MAPK10: variants seen among roughly 807,000 people sequenced by gnomAD.
MAPK10 encodes mitogen-activated protein kinase 10.
In MAPK10, 25 loss-of-function variants were observed where a neutral mutation model predicts 59.3. The observed-to-expected ratio is 0.42, with a 90% CI of 0.31 to 0.59. The LOEUF (loss-of-function observed/expected upper bound fraction) is 0.59. Ranked by LOEUF, MAPK10 falls within the 20% of genes least tolerant of loss-of-function variation. The pLI is 0.15. For missense variants in MAPK10, 351 were observed against 568.9 expected (o/e 0.62, Z 3.90); for synonymous variants, 190 against 200.5 (o/e 0.95, Z 0.44).
At chr4:86,378,745 A>T (rs1329960433) in intron 1 of MAPK10, among the ~76,000 whole-genome samples, 4 of 152,202 alleles carry the variant, frequency 2.6e-5, no homozygotes, top group African/African-American at 9.6e-5. Context: ...CTGCTTTTGT[A>T]CCTGGCACTG....
chr4:86,237,093 TGGTTTTCTGTTCCTGTGTCA>T (rs1423361732), intron 2 of MAPK10, among the ~76,000 whole-genome samples: 12 of 152,108 alleles, frequency 7.9e-5, no homozygotes, highest in Non-Finnish European at 2.9e-5. Flanking sequence ...ACGTGGTGTT[TGGTTTTCTGTTCCTGTGTCA>T]GGTTTTCTGT....
intron 2 of MAPK10, among the ~76,000 whole-genome samples, chr4:86,262,878 C>G (rs1224525787): frequency 2.0e-5 from 3 of 152,164 alleles, no homozygotes; most frequent in Non-Finnish European, 4.4e-5. Flanking sequence ...CTCCAGTCTA[C>G]TCTGTGTCCA....
intron 11 of MAPK10, among the ~76,000 whole-genome samples, chr4:86,048,688 C>T (rs1455711900): frequency 6.6e-6 from 1 of 152,014 alleles, no homozygotes; most frequent in African/African-American, 2.4e-5. Context: ...TGAATAGCCC[C>T]AGGATACAAA....
At chr4:86,439,964 A>G (rs1333884865) in intron 1 of MAPK10, among the ~76,000 whole-genome samples, 2 of 152,194 alleles carry the variant, frequency 1.3e-5, no homozygotes, top group Non-Finnish European at 2.9e-5. Flanking sequence ...ATATGAGAAG[A>G]AATATAAAAA....
chr4:86,011,585 G>A lies in MAPK10; in HGVS notation c.*5643C>T, dbSNP rs1741435369. The stretch of plus-strand genomic sequence containing the variant: ...CAGGAATGCACCAATAACTCCTTCT[G>A]ACTCTTTAAGAGCAATCATCTTGTG... On this transcript the variant is annotated 3_prime_UTR_variant, in exon 14 of 14. Transcript: ENST00000641462. 6.6e-6 allele frequency: 1 copy of A among 152,130 alleles called. No homozygotes were observed. The highest frequency in any genetic ancestry group is 1.5e-5 in the Non-Finnish European group (1 of 68,026). The allele number at this position is 152,130 out of a possible 1,614,324, so 9.4% of individuals were successfully genotyped here. A position where few individuals can be genotyped will look rare whatever the true frequency, so the allele number is the denominator to read the frequency against.
chr4:86,355,975 T>G (rs1734256476), intron 1 of MAPK10, among the ~76,000 whole-genome samples: 1 of 152,180 alleles, frequency 6.6e-6, no homozygotes, highest in African/African-American at 2.4e-5. Flanking sequence ...TTTATTTCTA[T>G]GAAGACAAGT....
intron 2 of MAPK10, among the ~76,000 whole-genome samples, chr4:86,197,365 A>C (rs2081566666): frequency 1.3e-5 from 2 of 152,096 alleles, no homozygotes; most frequent in South Asian, 4.1e-4. Flanking sequence ...CTCTCTGTCT[A>C]CTATTGGTGT....
intron 2 of MAPK10, among the ~76,000 whole-genome samples, chr4:86,252,011 T>G (rs2093466864): frequency 8.6e-6 from 1 of 116,224 alleles, no homozygotes; most frequent in Non-Finnish European, 1.6e-5. Context: ...TCACCCACTT[T>G]TTGATGGGGT....
At chr4:86,549,759 C>T (rs781099084) in intron 1 of MAPK10, among the ~76,000 whole-genome samples, 2 of 152,114 alleles carry the variant, frequency 1.3e-5, no homozygotes, top group Non-Finnish European at 2.9e-5. Flanking sequence ...GTGTGAGGAT[C>T]CCTTGAGTCC....
intron 1 of MAPK10, chr4:86,358,228 A>G (rs1021100020): frequency 1.0e-6 from 1 of 985,286 alleles, no homozygotes; most frequent in African/African-American, 1.7e-5. Flanking sequence ...AAATTCACAG[A>G]AGCTTCTCTG....
chr4:86,313,177 T>C (rs2095706261), intron 2 of MAPK10, among the ~76,000 whole-genome samples: 1 of 152,262 alleles, frequency 6.6e-6, no homozygotes, highest in Admixed American at 6.5e-5. Flanking sequence ...ATGATGGTTC[T>C]GCATCCATTG....
intron 9 of MAPK10, among the ~76,000 whole-genome samples, chr4:86,086,541 C>T (rs1377978101): frequency 6.6e-6 from 1 of 151,404 alleles, no homozygotes; most frequent in African/African-American, 2.4e-5. Context: ...TATTATGTAC[C>T]CAGAAAAATT....
At chr4:86,379,464 A>G (rs1740348458) in intron 1 of MAPK10, among the ~76,000 whole-genome samples, 1 of 152,192 alleles carries the variant, frequency 6.6e-6, no homozygotes, top group Admixed American at 6.5e-5. Context: ...AAAACTAGCC[A>G]TAAACAAAAT....
intron 2 of MAPK10, chr4:86,300,527 T>C (rs1220614779): frequency 6.6e-6 from 1 of 152,162 alleles, no homozygotes; most frequent in Non-Finnish European, 1.5e-5. Context: ...TCAAGTCACA[T>C]TTGCTTTATA....
At position 86,215,062 on chromosome 4, in the gene MAPK10, A is replaced by G. The variant is rs111800041; in HGVS notation, c.-6-20655T>C. Among the ~76,000 whole-genome samples, 1,134 of 152,314 alleles carry G rather than the reference A, an allele frequency of 7.4e-3. 14 individuals carry two copies. Among genetic ancestry groups the G allele is most frequent in the African/African-American group, 0.026 (1,071 of 41,562 alleles). On this transcript the variant is annotated intron_variant, in intron 2 of 13. Transcript: ENST00000641462. Reference sequence around the variant, plus strand: ...CTGTGTAGTACTAGCATAAAGACTGATGTATAGATCAATGAAATAGAATAG... The same window carrying G: ...CTGTGTAGTACTAGCATAAAGACTGGTGTATAGATCAATGAAATAGAATAG...
chr4:86,033,850 A>G (rs1214391665), intron 11 of MAPK10, among the ~76,000 whole-genome samples: 2 of 152,212 alleles, frequency 1.3e-5, no homozygotes, highest in Admixed American at 6.5e-5. Flanking sequence ...GTGACAATAT[A>G]AAAGAATAAT....
At chr4:86,352,236 AAT>A (rs1731912665) in intron 2 of MAPK10, 1 of 152,006 alleles carries the variant, frequency 6.6e-6, no homozygotes, top group Admixed American at 6.6e-5. Flanking sequence ...TATGAGAACT[AAT>A]ATATATAAAC....
intron 1 of MAPK10, among the ~76,000 whole-genome samples, chr4:86,491,662 T>C (rs1754464993): frequency 6.6e-6 from 1 of 152,256 alleles, no homozygotes; most frequent in Non-Finnish European, 1.5e-5. Flanking sequence ...CCATTCGGGA[T>C]ATCAGTTAAT....
intron 1 of MAPK10, chr4:86,392,433 C>T (rs915716287): frequency 2.4e-5 from 3 of 125,510 alleles, no homozygotes; most frequent in African/African-American, 8.8e-5. Context: ...CAGAGTGAAA[C>T]TGTCTCAAAA....
Sources: gnomAD v4.1 joint callset for allele counts (sites outside exome capture counted in the v4.1 genomes callset) on GRCh38, gnomAD v4.1.1 for gene constraint, MANE v1.5 for transcripts, NCBI Gene and HGNC (gene_info 2026-07-23, HGNC 2026-07-21) for gene names.